Variants in DNAJC1 observed in about 807,000 individuals in gnomAD.
The protein encoded by DNAJC1 is DnaJ heat shock protein family (Hsp40) member C1, also known as dnaJ homolog subfamily C member 1.
A neutral mutation model predicts 76.6 loss-of-function variants in DNAJC1; 58 were observed. The observed-to-expected ratio is 0.76, with a 90% confidence interval of 0.61 to 0.94. DNAJC1 has a LOEUF of 0.94. Ranked by LOEUF, DNAJC1 falls within the 40% of genes least tolerant of loss-of-function variation. The probability of loss-of-function intolerance (pLI) is 0.00; values close to 1 mark genes in which losing one functional copy is unlikely to be tolerated. For synonymous variants in DNAJC1, 258 were observed against 267.9 expected (o/e 0.96, Z 0.36); for missense variants, 689 against 677.3 (o/e 1.02, Z -0.19).
chr10:21,870,133 T>G (rs1178247706), intron 8 of DNAJC1, among the ~76,000 whole-genome samples: 1 of 151,952 alleles, frequency 6.6e-6, no homozygotes, highest in African/African-American at 2.4e-5. Context: ...AAAAATAAAG[T>G]GATTTAATGC....
intron 9 of DNAJC1, among the ~76,000 whole-genome samples, chr10:21,796,983 G>A (rs1307746333): frequency 6.6e-6 from 1 of 151,896 alleles, no homozygotes; most frequent in Admixed American, 6.6e-5. Context: ...TCATTTTGTT[G>A]CTTGTGTTTT....
chr10:21,796,517 TCA>T (rs1218327040), intron 9 of DNAJC1, among the ~76,000 whole-genome samples: 1 of 152,226 alleles, frequency 6.6e-6, no homozygotes. Flanking sequence ...GTAGGAATCT[TCA>T]TACTGTTTTC....
chr10:21,909,324 T>A (rs1450483826), intron 6 of DNAJC1, among the ~76,000 whole-genome samples: 1 of 152,234 alleles, frequency 6.6e-6, no homozygotes, highest in Non-Finnish European at 1.5e-5. Flanking sequence ...CATAGGCTCC[T>A]GCACAAGAAG....
intron 8 of DNAJC1, among the ~76,000 whole-genome samples, chr10:21,815,295 C>G (rs1012156978): frequency 1.3e-5 from 2 of 152,194 alleles, no homozygotes; most frequent in African/African-American, 2.4e-5. Context: ...AGAAGTCATT[C>G]AGGTAAGCCT....
chr10:21,937,633 T>C (rs1335283996), intron 1 of DNAJC1, among the ~76,000 whole-genome samples: 1 of 152,094 alleles, frequency 6.6e-6, no homozygotes, highest in African/African-American at 2.4e-5. Context: ...CAGACATCTA[T>C]AGAACATTCC....
intron 9 of DNAJC1, among the ~76,000 whole-genome samples, chr10:21,786,750 C>T (rs1316495226): frequency 6.6e-6 from 1 of 152,096 alleles, no homozygotes; most frequent in East Asian, 1.9e-4. Context: ...GGATTATAGG[C>T]ATGAGCCACT....
intron 7 of DNAJC1, among the ~76,000 whole-genome samples, chr10:21,886,286 A>C (rs562718905): frequency 3.3e-5 from 5 of 152,288 alleles, no homozygotes; most frequent in Admixed American, 2.0e-4. Context: ...ACCAGAAAGA[A>C]ATTGATTCCT....
intron 1 of DNAJC1, among the ~76,000 whole-genome samples, chr10:21,971,073 T>C (rs1032171039): frequency 2.0e-5 from 3 of 151,890 alleles, no homozygotes; most frequent in Non-Finnish European, 4.4e-5. Flanking sequence ...GTTTCTAAAC[T>C]TTTATACCAT....
intron 1 of DNAJC1, among the ~76,000 whole-genome samples, chr10:21,936,821 A>C (rs1837319685): frequency 6.6e-6 from 1 of 152,176 alleles, no homozygotes; most frequent in Admixed American, 6.5e-5. Context: ...ATAGTACACT[A>C]GAAAAAAAAC....
At chr10:21,952,301 C>T (rs570921602) in intron 1 of DNAJC1, among the ~76,000 whole-genome samples, 4 of 152,226 alleles carry the variant, frequency 2.6e-5, no homozygotes, top group African/African-American at 9.6e-5. Context: ...CAATTTCAAA[C>T]CAAAGATTAC....
At chr10:21,770,954 A>C (rs1343462741) in intron 9 of DNAJC1, among the ~76,000 whole-genome samples, 1 of 152,176 alleles carries the variant, frequency 6.6e-6, no homozygotes, top group Non-Finnish European at 1.5e-5. Flanking sequence ...TAAGAGTTCC[A>C]AATTAAATTA....
intron 1 of DNAJC1, among the ~76,000 whole-genome samples, chr10:21,955,788 C>T (rs534519022): frequency 6.6e-6 from 1 of 152,228 alleles, no homozygotes. Flanking sequence ...TATGCTTACG[C>T]TTATAAAGTA....
intron 1 of DNAJC1, among the ~76,000 whole-genome samples, chr10:21,987,816 A>C (rs1838270674): frequency 6.6e-6 from 1 of 152,196 alleles, no homozygotes; most frequent in Non-Finnish European, 1.5e-5. Context: ...CAGAACTCTA[A>C]GTGAAATATT....
chr10:21,766,570 T>C (rs1303484241), intron 9 of DNAJC1, among the ~76,000 whole-genome samples: 2 of 152,184 alleles, frequency 1.3e-5, no homozygotes, highest in African/African-American at 2.4e-5. Context: ...CTCCTTCTAG[T>C]TCAATGACAG....
At chr10:21,971,857 TAAGAG>T (rs1263053568) in intron 1 of DNAJC1, among the ~76,000 whole-genome samples, 1 of 151,906 alleles carries the variant, frequency 6.6e-6, no homozygotes, top group Non-Finnish European at 1.5e-5. Context: ...TGGAGGATAT[TAAGAG>T]AAAACATGAT....
chr10:21,966,122 A>C (rs575532535), intron 1 of DNAJC1, among the ~76,000 whole-genome samples: 2 of 152,242 alleles, frequency 1.3e-5, no homozygotes, highest in South Asian at 4.1e-4. Context: ...TTTTCTCATG[A>C]TTAAATTTAG....
intron 6 of DNAJC1, among the ~76,000 whole-genome samples, chr10:21,911,626 T>C (rs541898438): frequency 4.6e-5 from 7 of 152,274 alleles, no homozygotes; most frequent in South Asian, 2.1e-4. Context: ...TTCCAAGAGA[T>C]AGAAGAGACT....
At chr10:21,763,634 A>C (rs1266385949) in intron 10 of DNAJC1, among the ~76,000 whole-genome samples, 1 of 151,902 alleles carries the variant, frequency 6.6e-6, no homozygotes, top group Non-Finnish European at 1.5e-5. Flanking sequence ...AAAAGTATAA[A>C]ATTGAGGATC....
chr10:21,867,627 T>C (rs980138406), intron 8 of DNAJC1, among the ~76,000 whole-genome samples: 4 of 151,598 alleles, frequency 2.6e-5, no homozygotes, highest in South Asian at 2.1e-4. Flanking sequence ...AACCCAGGAG[T>C]AGATCAAGCT....
Sources: allele counts gnomAD v4.1 joint callset (sites outside exome capture counted in the v4.1 genomes callset), GRCh38; gene constraint gnomAD v4.1.1; transcripts MANE v1.5; gene names NCBI Gene and HGNC (gene_info 2026-07-23, HGNC 2026-07-21).